BRD4: variants seen among roughly 807,000 people sequenced by gnomAD.
The protein encoded by BRD4 is bromodomain-containing protein 4.
BRD4 carries 16 observed loss-of-function variants against 142.1 expected under a neutral mutation model. That is an observed-to-expected ratio of 0.11 (90% CI 0.08 to 0.17). The LOEUF is 0.17. Ranked by LOEUF, BRD4 falls within the 10% of genes least tolerant of loss-of-function variation. The probability of loss-of-function intolerance (pLI) is 1.00; values close to 1 mark genes in which losing one functional copy is unlikely to be tolerated. For missense variants in BRD4, 1,424 were observed against 1,810.9 expected, an observed-to-expected ratio of 0.79 and a Z score of 3.88; for synonymous variants, 833 against 707.5, an observed-to-expected ratio of 1.18 and a Z score of -2.82.
At chr19:15,326,153 T>TAAAAAA (rs755812111) in intron 1 of BRD4, among the ~76,000 whole-genome samples, 1 of 100,922 alleles carries the variant, frequency 9.9e-6, no homozygotes. Context: ...AATGTAGCAT[T>TAAAAAA]AAAAAAAAAA....
chr19:15,329,512 T>C (rs1285347856), intron 1 of BRD4, among the ~76,000 whole-genome samples: 1 of 152,024 alleles, frequency 6.6e-6, no homozygotes. Context: ...AGGCCGAGGC[T>C]GGCGGATCAC....
chr19:15,257,237 G>C, intron 7 of BRD4, 64 bp from the exon 8 acceptor site: 2 of 1,436,910 alleles, frequency 1.4e-6, no homozygotes, highest in Non-Finnish European at 1.9e-6. Flanking sequence ...AGCATCACCT[G>C]CCCTCATTGG....
At chr19:15,251,223 C>T (rs986413790) in intron 11 of BRD4, among the ~76,000 whole-genome samples, 3 of 152,094 alleles carry the variant, frequency 2.0e-5, no homozygotes, top group Non-Finnish European at 2.9e-5. Context: ...GACCACCCCA[C>T]GCCTGCATCA....
At chr19:15,260,013 G>C (rs2047452358) in intron 7 of BRD4, among the ~76,000 whole-genome samples, 1 of 152,230 alleles carries the variant, frequency 6.6e-6, no homozygotes, top group Non-Finnish European at 1.5e-5. Context: ...GGAACACCGA[G>C]TGCAGGCATT....
In BRD4 at chr19:15,256,172, T is replaced by C; in HGVS notation, c.1643A>G (p.Lys548Arg). 6.2e-7 allele frequency: 1 copy of C among 1,612,782 alleles called. No individual in the cohort carries two copies. ...TTCCTCTTTCCTTTTGTGCTTTTCT[T>C]TTTTCTTTTCCTTCTTGTCTTTCTC... ...KKEKDKKEKK[K>R]EKHKRKEEVE... is the part of the protein sequence containing the mutation. The change falls in exon 9 of 20, where the codon AAA (lysine) becomes AGA (arginine). Residue 548 changes from lysine to arginine, a missense_variant. Lys to Arg is a conservative substitution (Grantham distance 26, BLOSUM62 2). This residue lies in a region of BRD4 where 86 missense variants were observed against 78.9 expected (regional missense o/e 1.09). Transcript: ENST00000679869.
chr19:15,239,030 C>T lies in BRD4; in HGVS notation c.3782+29G>A. The T allele has an allele frequency of 1.3e-6, 2 of 1,579,720 alleles. No individual in the cohort carries two copies. The highest frequency in any genetic ancestry group is 1.1e-5 in the South Asian group (1 of 88,266). On this transcript the variant is annotated intron_variant, in intron 18 of 19. Coordinates refer to ENST00000679869, the MANE Select transcript of BRD4 (RefSeq NM_001379291.1). The surrounding 1 kb of genome is among the most constrained non-coding windows in gnomAD (Gnocchi z 7.4). ...TGGGGACTGGTGTGGCCCCAAGAGT[C>T]CCCATGCCCCACCCAGACACCCGCC...
rs1439000525 is a variant in BRD4, at chr19:15,236,732, C to A, written c.*1645G>T. 2 of 173,272 alleles carry A rather than the reference C, an allele frequency of 1.2e-5. No individual in the cohort carries two copies. Among genetic ancestry groups the A allele is most frequent in the African/African-American group, 4.8e-5 (2 of 41,920 alleles). The allele number at this position is 173,272 out of a possible 1,614,324, so 10.7% of individuals were successfully genotyped here. Reference sequence around the variant, plus strand: ...GGTCACAGGAGAGGGGCTAGGTAATCCCTGGCAGTAGTTCCTGTACAGAGG... The same window carrying A: ...GGTCACAGGAGAGGGGCTAGGTAATACCTGGCAGTAGTTCCTGTACAGAGG... On this transcript the variant is annotated 3_prime_UTR_variant, in exon 20 of 20. Coordinates refer to ENST00000679869, the MANE Select transcript of BRD4 (RefSeq NM_001379291.1).
chr19:15,284,069 A>G (rs1033626560), intron 1 of BRD4, among the ~76,000 whole-genome samples: 10 of 152,216 alleles, frequency 6.6e-5, no homozygotes, highest in African/African-American at 2.4e-4. Context: ...ATCTCGATGA[A>G]GAGCTGACGT....
At chr19:15,253,241 G>A (rs2047366709) in intron 11 of BRD4, 1 of 449,890 alleles carries the variant, frequency 2.2e-6, no homozygotes, top group Non-Finnish European at 4.0e-6. Context: ...TCTCTCAGCA[G>A]GGGCTGGTCG....
At chr19:15,325,295 G>A (rs1445334223) in intron 1 of BRD4, among the ~76,000 whole-genome samples, 3 of 152,214 alleles carry the variant, frequency 2.0e-5, no homozygotes, top group African/African-American at 4.8e-5. Flanking sequence ...CCGTACTGGT[G>A]TTATCAGTCT....
At chr19:15,328,963 T>C (rs2048133419) in intron 1 of BRD4, among the ~76,000 whole-genome samples, 1 of 152,158 alleles carries the variant, frequency 6.6e-6, no homozygotes, top group African/African-American at 2.4e-5. Flanking sequence ...AATAGAGACG[T>C]GGTTTCTCCA....
At chr19:15,304,382 T>A (rs2047896138) in intron 1 of BRD4, among the ~76,000 whole-genome samples, 1 of 152,224 alleles carries the variant, frequency 6.6e-6, no homozygotes, top group Non-Finnish European at 1.5e-5. Flanking sequence ...GGAATCAGCC[T>A]TGTCACTGTG....
At chr19:15,252,065 T>A (rs1159781161) in intron 11 of BRD4, among the ~76,000 whole-genome samples, 1 of 152,132 alleles carries the variant, frequency 6.6e-6, no homozygotes, top group Non-Finnish European at 1.5e-5. Flanking sequence ...CACTTTTTTT[T>A]AAAGTGGGGG....
rs762370545 is a variant in BRD4 at position 15,264,687 on chromosome 19, G to T, written c.929C>A (p.Pro310His). 4 of 1,613,466 alleles carry T rather than the reference G, an allele frequency of 2.5e-6. No homozygotes were observed. The highest frequency in any genetic ancestry group is 3.4e-6 in the Non-Finnish European group (4 of 1,180,032). The part of the protein sequence containing the change: ...IDPIHEPPSL[P>H]PEPKTTKLGQ... ...CAGCTTGGTGGTCTTGGGCTCCGGGGGCAGCGAGGGTGGCTCGTGAATGGG... is the reference window on the plus strand; with the variant it reads ...CAGCTTGGTGGTCTTGGGCTCCGGGTGCAGCGAGGGTGGCTCGTGAATGGG... The change falls in exon 6 of 20, where the codon CCC (proline) becomes CAC (histidine). Residue 310 changes from proline to histidine, a missense_variant. Around this residue, in one of 16 missense-constraint regions of BRD4, gnomAD observed 86 missense variants for 79.9 expected, o/e 1.08. Coordinates refer to ENST00000679869, the MANE Select transcript of BRD4 (RefSeq NM_001379291.1).
Position 15,274,943 on chromosome 19 carries a change from C to G in BRD4, c.-34-1810G>C, listed in dbSNP as rs1599477024. Among the ~76,000 whole-genome samples, 4 of 152,016 alleles carry G rather than the reference C, an allele frequency of 2.6e-5. 1 individual carries two copies. The highest frequency in any genetic ancestry group is 9.6e-5 in the African/African-American group (4 of 41,476). ...GTGCAATCTTGGCTCACTGCAACCT[C>G]TGCCTTCCAGGGTCAAGTGATTCTC... On this transcript the variant is annotated intron_variant, in intron 1 of 19. Transcript: ENST00000679869.
intron 9 of BRD4, 86 bp from the exon 10 acceptor site, chr19:15,255,678 A>T: frequency 6.7e-7 from 1 of 1,482,192 alleles, no homozygotes; most frequent in Middle Eastern, 2.4e-4. Context: ...GTTGGGGGGA[A>T]GGGGTGCCCT....
chr19:15,239,283 G>A lies in BRD4; in HGVS notation c.3577-19C>T, dbSNP rs764870849. On this transcript the variant is annotated intron_variant, in intron 17 of 19. Transcript: ENST00000679869. This position sits in a 1 kb window ranked among gnomAD's most constrained non-coding sequence, Gnocchi z 7.4. Reference sequence around the variant, plus strand: ...TCAGGTCCTGCAGAACAGAGAGGTTGGGGTGGGTGAGGGGTCTGCTGTGCC... The same window carrying A: ...TCAGGTCCTGCAGAACAGAGAGGTTAGGGTGGGTGAGGGGTCTGCTGTGCC... 1 of 1,613,236 alleles carries A rather than the reference G, an allele frequency of 6.2e-7. No homozygotes were observed. The highest frequency in any genetic ancestry group is 8.5e-7 in the Non-Finnish European group (1 of 1,179,534).
chr19:15,310,135 GGAGT>G (rs1462196102), intron 1 of BRD4, among the ~76,000 whole-genome samples: 4 of 151,800 alleles, frequency 2.6e-5, no homozygotes, highest in African/African-American at 9.7e-5. Flanking sequence ...AAAGTGGGTA[GGAGT>G]GAGAAGCCCA....
At chr19:15,269,723 T>A (rs1318191309) in intron 2 of BRD4, among the ~76,000 whole-genome samples, 1 of 151,984 alleles carries the variant, frequency 6.6e-6, no homozygotes, top group Non-Finnish European at 1.5e-5. Flanking sequence ...TTTAAAAAAA[T>A]AAAAATAAAA....
Sources: allele counts gnomAD v4.1 joint callset (sites outside exome capture counted in the v4.1 genomes callset), GRCh38; gene constraint gnomAD v4.1.1; regional missense constraint gnomAD v4.1.1; non-coding constraint Gnocchi (gnomAD v3.1); transcripts MANE v1.5; gene names NCBI Gene and HGNC (gene_info 2026-07-23, HGNC 2026-07-21).